Variants in RAB3GAP2 observed in about 807,000 individuals in gnomAD.
RAB3GAP2 encodes the protein RAB3 GTPase activating non-catalytic protein subunit 2, also known as rab3 GTPase-activating protein non-catalytic subunit.
RAB3GAP2 carries 87 observed loss-of-function variants against 185.3 expected under a neutral mutation model. The observed-to-expected ratio is 0.47, with a 90% CI of 0.39 to 0.56. The LOEUF (loss-of-function observed/expected upper bound fraction) is 0.56. Ranked by LOEUF, RAB3GAP2 falls within the 20% of genes least tolerant of loss-of-function variation. The pLI is 0.00. For missense variants in RAB3GAP2, 1,492 were observed against 1,638.2 expected (o/e 0.91, Z 1.54); for synonymous variants, 554 against 576.1 (o/e 0.96, Z 0.55).
Position 220,159,517 on chromosome 1 carries a change from C to T in RAB3GAP2, c.3226-96G>A, listed in dbSNP as rs763148860. On this transcript the variant is annotated intron_variant, in intron 28 of 34. Coordinates refer to ENST00000358951, the MANE Select transcript of RAB3GAP2 (RefSeq NM_012414.4). ...ATAAAAAGTAACCGAATTTAAAAAC[C>T]GTAAATGGCGCTATAAGTAAATGTG... 130 of 908,856 alleles carry T rather than the reference C, an allele frequency of 1.4e-4. 1 individual carries two copies. The highest frequency in any genetic ancestry group is 1.4e-3 in the East Asian group (52 of 37,410). 56.3% of individuals were successfully genotyped at this position (908,856 alleles called of 1,614,324 possible).
chr1:220,212,780 A>G, intron 4 of RAB3GAP2, 107 bp downstream of exon 4: 2 of 936,014 alleles, frequency 2.1e-6, no homozygotes, highest in Non-Finnish European at 3.4e-6. Context: ...GATGTGAACC[A>G]CTGCACCCAA....
At chr1:220,259,723 A>G (rs1660098791) in intron 1 of RAB3GAP2, among the ~76,000 whole-genome samples, 1 of 152,248 alleles carries the variant, frequency 6.6e-6, no homozygotes, top group African/African-American at 2.4e-5. Context: ...AATTGCAACA[A>G]AAGCAAAAAT....
At chr1:220,242,564 C>T (rs146777848) in intron 1 of RAB3GAP2, among the ~76,000 whole-genome samples, 2 of 152,002 alleles carry the variant, frequency 1.3e-5, no homozygotes, top group East Asian at 1.9e-4. Flanking sequence ...TTCACAGCTC[C>T]GTATTATACC....
At chr1:220,153,461 T>C in intron 32 of RAB3GAP2, 55 bp from the exon 33 acceptor site, 2 of 1,476,288 alleles carry the variant, frequency 1.4e-6, no homozygotes, top group Non-Finnish European at 9.5e-7. Context: ...CATTTTAAAA[T>C]ACCTAAACCA....
At chr1:220,250,311 T>C (rs1239150238) in intron 1 of RAB3GAP2, among the ~76,000 whole-genome samples, 6 of 152,200 alleles carry the variant, frequency 3.9e-5, no homozygotes, top group South Asian at 4.1e-4. Flanking sequence ...ACTGCCCCCA[T>C]TGAGTTTTGG....
In RAB3GAP2 at chr1:220,222,714, T is replaced by C. The variant is rs138865441; in HGVS notation, c.181-8735A>G. 1.4e-3 allele frequency among the ~76,000 whole-genome samples: 217 copies of C among 152,254 alleles called. 1 individual carries two copies. Among genetic ancestry groups the C allele is most frequent in the African/African-American group, 5.1e-3 (211 of 41,548 alleles). On this transcript the variant is annotated intron_variant, in intron 2 of 34. Coordinates refer to ENST00000358951, the MANE Select transcript of RAB3GAP2 (RefSeq NM_012414.4). ...TTCTTCAATTGTATATATAATATGATCTCATTTTCATAAAATGTTCTTTGT... is the reference window on the plus strand; with the variant it reads ...TTCTTCAATTGTATATATAATATGACCTCATTTTCATAAAATGTTCTTTGT...
chr1:220,204,681 C>A (rs1042807113), intron 8 of RAB3GAP2, among the ~76,000 whole-genome samples: 8 of 151,734 alleles, frequency 5.3e-5, no homozygotes, highest in African/African-American at 1.7e-4. Context: ...GTGCGCTGCA[C>A]CCATTAACCT....
chr1:220,193,008 G>GA (rs991556416), intron 13 of RAB3GAP2, among the ~76,000 whole-genome samples: 1 of 152,180 alleles, frequency 6.6e-6, no homozygotes, highest in African/African-American at 2.4e-5. Context: ...AGAATTGAAA[G>GA]AAAGTGCAAA....
intron 1 of RAB3GAP2, among the ~76,000 whole-genome samples, chr1:220,238,620 C>G (rs545153266): frequency 1.9e-4 from 29 of 152,154 alleles, no homozygotes; most frequent in Non-Finnish European, 3.8e-4. Flanking sequence ...TACCACTCTC[C>G]AAATACAACA....
At chr1:220,151,445 T>C in intron 34 of RAB3GAP2, 39 bp from the exon 35 acceptor site, 1 of 1,611,900 alleles carries the variant, frequency 6.2e-7, no homozygotes, top group Non-Finnish European at 8.5e-7. Context: ...TATAGACAAC[T>C]AAACAATAAT....
chr1:220,222,095 C>CTA (rs1430274907), intron 2 of RAB3GAP2, among the ~76,000 whole-genome samples: 1 of 152,134 alleles, frequency 6.6e-6, no homozygotes, highest in Non-Finnish European at 1.5e-5. Context: ...AGCTTTCTGC[C>CTA]TAAGCCATAG....
Position 220,232,821 on chromosome 1 carries a change from TC to T in RAB3GAP2, c.157del (p.Glu53LysfsTer38). ...TACAGGTTCTTGTGGTTCATTTTCT[TC>T]CCATGCTCCCCAACCATCATCTTCC... ...DWEDDGWGAW[E>X]ENEPQEPEEE... On this transcript the variant is annotated frameshift_variant, in exon 2 of 35. Coordinates refer to ENST00000358951, the MANE Select transcript of RAB3GAP2 (RefSeq NM_012414.4). LOFTEE classifies it high-confidence loss of function. 1.9e-6 allele frequency: 3 copies of T among 1,613,908 alleles called. No individual in the cohort carries two copies. Among genetic ancestry groups the T allele is most frequent in the Non-Finnish European group, 1.7e-6 (2 of 1,179,826 alleles).
chr1:220,239,649 T>C (rs1056796293), intron 1 of RAB3GAP2, among the ~76,000 whole-genome samples: 6 of 152,214 alleles, frequency 3.9e-5, no homozygotes, highest in Non-Finnish European at 7.3e-5. Context: ...GTTTTGATTA[T>C]GAAATAATAG....
chr1:220,232,702 G>A (rs975220366), intron 2 of RAB3GAP2, 97 bp downstream of exon 2: 29 of 1,136,158 alleles, frequency 2.6e-5, no homozygotes, highest in Middle Eastern at 3.9e-4. Context: ...TCTTGACATC[G>A]AATTTAAAAT....
intron 2 of RAB3GAP2, among the ~76,000 whole-genome samples, chr1:220,226,752 A>T (rs189565432): frequency 2.8e-3 from 419 of 152,232 alleles, no homozygotes; most frequent in Non-Finnish European, 4.1e-3. Flanking sequence ...CAATGTACTG[A>T]CTTGTGTCCC....
intron 1 of RAB3GAP2, among the ~76,000 whole-genome samples, chr1:220,243,303 G>A (rs1426800040): frequency 2.7e-5 from 4 of 149,190 alleles, no homozygotes; most frequent in South Asian, 2.1e-4. Context: ...GCAGTAAGCC[G>A]AGATCGTGCC....
intron 18 of RAB3GAP2, 106 bp downstream of exon 18, chr1:220,185,545 C>T: frequency 2.6e-6 from 2 of 765,468 alleles, no homozygotes; most frequent in Non-Finnish European, 4.4e-6. Context: ...ATATTACTTC[C>T]ACATTAAAGT....
At chr1:220,234,201 A>G (rs1483261565) in intron 1 of RAB3GAP2, among the ~76,000 whole-genome samples, 1 of 152,046 alleles carries the variant, frequency 6.6e-6, no homozygotes, top group African/African-American at 2.4e-5. Flanking sequence ...TGCCTGACAC[A>G]TACCAAGTTC....
chr1:220,233,112 G>A (rs1659530148), intron 1 of RAB3GAP2, among the ~76,000 whole-genome samples: 1 of 152,138 alleles, frequency 6.6e-6, no homozygotes, highest in Admixed American at 6.5e-5. Flanking sequence ...TTGTGTGTGA[G>A]TTATCTGGAT....
Sources: gnomAD v4.1 joint callset for allele counts (sites outside exome capture counted in the v4.1 genomes callset) on GRCh38, gnomAD v4.1.1 for gene constraint, MANE v1.5 for transcripts, NCBI Gene and HGNC (gene_info 2026-07-23, HGNC 2026-07-21) for gene names.